FAT1: variants seen among roughly 807,000 people sequenced by gnomAD.
FAT1 encodes the protein protocadherin Fat 1.
In FAT1, 171 loss-of-function variants were observed where a neutral mutation model predicts 329.8. That is an observed-to-expected ratio of 0.52 (90% CI 0.46 to 0.59). FAT1 has a LOEUF of 0.59. FAT1 is among the 20% of genes least tolerant of loss of function. FAT1 has a pLI of 0.00. For synonymous variants in FAT1, 2,233 were observed against 2,228.6 expected (o/e 1.00, Z -0.06); for missense variants, 5,672 against 5,774.4 (o/e 0.98, Z 0.57).
intron 21 of FAT1, 81 bp from the exon 22 acceptor site, chr4:186,600,441 G>T: frequency 8.2e-7 from 1 of 1,213,712 alleles, no homozygotes; most frequent in South Asian, 1.5e-5. Flanking sequence ...TACAGGAGAG[G>T]GCTTAGGGAG....
rs1354124051 is a variant in FAT1 at position 186,606,139 on chromosome 4, G to A, written c.10281C>T (p.Asn3427=). 1.2e-5 allele frequency: 19 copies of A among 1,613,262 alleles called. No individual in the cohort carries two copies. The highest frequency in any genetic ancestry group is 1.6e-5 in the Non-Finnish European group (19 of 1,179,792). ...TGTCATTGACATCGGACACATCGAT[G>A]TTCACGGTCGTCGTGTTGACTCTGG... ...SPPRVNTTTV[N]IDVSDVNDNA... The change falls in exon 17 of 27, where the codon AAC becomes AAT. Residue 3427 remains asparagine (N), a synonymous_variant. Coordinates refer to ENST00000441802, the MANE Select transcript of FAT1 (RefSeq NM_005245.4).
At chr4:186,677,311 A>G (rs918510422) in intron 2 of FAT1, among the ~76,000 whole-genome samples, 15 of 152,196 alleles carry the variant, frequency 9.9e-5, no homozygotes, top group African/African-American at 3.6e-4. Context: ...CTGATAACCT[A>G]GGAGAAACTT....
intron 9 of FAT1, among the ~76,000 whole-genome samples, chr4:186,625,653 T>A (rs1364916135): frequency 6.6e-6 from 1 of 152,248 alleles, no homozygotes; most frequent in Non-Finnish European, 1.5e-5. Context: ...TGAAGAAGAC[T>A]GAAAGGGACT....
chr4:186,682,666 T>G (rs1193532499), intron 2 of FAT1, among the ~76,000 whole-genome samples: 1 of 152,018 alleles, frequency 6.6e-6, no homozygotes, highest in African/African-American at 2.4e-5. Flanking sequence ...AAAACAGCAA[T>G]CTTATTTCAA....
At chr4:186,658,801 T>C (rs150264723) in intron 3 of FAT1, among the ~76,000 whole-genome samples, 87 of 152,234 alleles carry the variant, frequency 5.7e-4, no homozygotes, top group African/African-American at 2.0e-3. Flanking sequence ...ACATAACCAC[T>C]GCCAGTTTCC....
chr4:186,653,377 T>G (rs1741757686), intron 3 of FAT1, among the ~76,000 whole-genome samples: 2 of 152,220 alleles, frequency 1.3e-5, no homozygotes, highest in South Asian at 4.1e-4. Context: ...CTCTAATTGC[T>G]CTATTTAAAG....
At chr4:186,702,838 G>A (rs1019993344) in intron 2 of FAT1, among the ~76,000 whole-genome samples, 20 of 152,172 alleles carry the variant, frequency 1.3e-4, no homozygotes, top group African/African-American at 4.6e-4. Flanking sequence ...AGAGGGGGTT[G>A]GATGCTGAGA....
At chr4:186,705,924 A>C (rs1744564255) in intron 2 of FAT1, among the ~76,000 whole-genome samples, 6 of 152,204 alleles carry the variant, frequency 3.9e-5, no homozygotes, top group African/African-American at 7.2e-5. Context: ...TAGAAGAGGA[A>C]AAAGTTAGTT....
chr4:186,648,859 T>A (rs1470931997), intron 3 of FAT1, among the ~76,000 whole-genome samples: 1 of 152,118 alleles, frequency 6.6e-6, no homozygotes, highest in African/African-American at 2.4e-5. Flanking sequence ...GGTGATTCCA[T>A]CCCATGCTGA....
intron 2 of FAT1, 139 bp downstream of exon 2, chr4:186,706,424 A>G (rs1744597819): frequency 1.1e-6 from 1 of 921,156 alleles, no homozygotes; most frequent in Non-Finnish European, 1.6e-6. Flanking sequence ...AGCCGGGCCA[A>G]AAAAAATATT....
chr4:186,613,005 T>C, intron 13 of FAT1, 104 bp downstream of exon 13: 2 of 680,126 alleles, frequency 2.9e-6, no homozygotes, highest in Non-Finnish European at 5.2e-6. Context: ...GGAACATGCA[T>C]GAGGTGGAGT....
In FAT1 at chr4:186,619,564, A is replaced by G. The variant is rs2126506871; in HGVS notation, c.7022T>C (p.Leu2341Pro). The part of the protein sequence containing the change: ...DHFHVDSSTG[L>P]ISLLRTLDYE... ...ATCCAGGGTTCTGAGTAGTGAGATG[A>G]GGCCAGTGCTGCTGTCTACATGAAA... is the stretch of plus-strand genomic sequence containing the variant. The change falls in exon 10 of 27, where the codon CTC becomes CCC. Residue 2341 changes from leucine to proline, a missense_variant. This residue lies in a region of FAT1 where 3,966 missense variants were observed against 3,915.2 expected (regional missense o/e 1.01). Transcript: ENST00000441802. 6.2e-7 allele frequency: 1 copy of G among 1,613,958 alleles called. No individual in the cohort carries two copies. Among genetic ancestry groups the G allele is most frequent in the Non-Finnish European group, 8.5e-7 (1 of 1,179,902 alleles).
At chr4:186,590,936 T>C (rs1439140065) in intron 26 of FAT1, among the ~76,000 whole-genome samples, 2 of 152,232 alleles carry the variant, frequency 1.3e-5, no homozygotes, top group Admixed American at 1.3e-4. Flanking sequence ...GTATTTTGAA[T>C]ATGCTTTAAT....
intron 2 of FAT1, among the ~76,000 whole-genome samples, chr4:186,702,460 G>A (rs529324644): frequency 6.6e-6 from 1 of 152,280 alleles, no homozygotes; most frequent in African/African-American, 2.4e-5. Context: ...CAGCCAAAAA[G>A]AGAACCAAAC....
chr4:186,610,636 ATTT>A (rs1560931639), intron 14 of FAT1, among the ~76,000 whole-genome samples: 12 of 116,352 alleles, frequency 1.0e-4, no homozygotes, highest in African/African-American at 3.8e-4. Flanking sequence ...AAATTATATA[ATTT>A]ATATAATTTA....
chr4:186,710,879 TGAA>T (rs1309395748), intron 1 of FAT1, among the ~76,000 whole-genome samples: 1 of 152,120 alleles, frequency 6.6e-6, no homozygotes, highest in Non-Finnish European at 1.5e-5. Flanking sequence ...ACTGAAGAAA[TGAA>T]GAAAACGTTG....
chr4:186,705,946 T>C (rs1744565797), intron 2 of FAT1, among the ~76,000 whole-genome samples: 1 of 152,190 alleles, frequency 6.6e-6, no homozygotes, highest in South Asian at 2.1e-4. Flanking sequence ...TAAGAAGTCA[T>C]TTGCTTGTCC....
chr4:186,635,677 A>T (rs1197278332), intron 6 of FAT1, among the ~76,000 whole-genome samples: 1 of 152,236 alleles, frequency 6.6e-6, no homozygotes, highest in Non-Finnish European at 1.5e-5. Flanking sequence ...ATCAATAAAA[A>T]TAACAATGTG....
chr4:186,717,919 G>A (rs1001054546), intron 1 of FAT1, among the ~76,000 whole-genome samples: 1 of 152,104 alleles, frequency 6.6e-6, no homozygotes, highest in African/African-American at 2.4e-5. Flanking sequence ...TCAATGGACT[G>A]TTGACCTCTT....
Sources: gnomAD v4.1 joint callset for allele counts (sites outside exome capture counted in the v4.1 genomes callset) on GRCh38, gnomAD v4.1.1 for gene constraint, gnomAD v4.1.1 regional missense constraint, MANE v1.5 for transcripts, NCBI Gene and HGNC (gene_info 2026-07-23, HGNC 2026-07-21) for gene names.